GRIP1: variants seen among roughly 807,000 people sequenced by gnomAD.
The protein encoded by GRIP1 is glutamate receptor-interacting protein 1.
In GRIP1, 45 loss-of-function variants were observed where a neutral mutation model predicts 129.9. That is an observed-to-expected ratio of 0.35 (90% confidence interval 0.27 to 0.44). The LOEUF (loss-of-function observed/expected upper bound fraction) is 0.44. Among genes scored for constraint, GRIP1 ranks in the 20% least tolerant of loss-of-function variants. The pLI is 1.00. For synonymous variants in GRIP1, 530 were observed against 520.8 expected (o/e 1.02, Z -0.24); for missense variants, 1,196 against 1,396.8 (o/e 0.86, Z 2.29).
intron 1 of GRIP1, among the ~76,000 whole-genome samples, chr12:66,836,933 A>G (rs1160599461): frequency 6.6e-6 from 1 of 152,216 alleles, no homozygotes; most frequent in Non-Finnish European, 1.5e-5. Context: ...AGGTACATTC[A>G]TGTTGTTGTT....
intron 1 of GRIP1, among the ~76,000 whole-genome samples, chr12:66,944,644 G>A (rs1259011284): frequency 1.3e-5 from 2 of 152,068 alleles, no homozygotes; most frequent in African/African-American, 4.8e-5. Flanking sequence ...GTGAAAACAG[G>A]AAGGTAACAC....
At chr12:66,894,744 A>G (rs1460297287) in intron 1 of GRIP1, among the ~76,000 whole-genome samples, 1 of 152,224 alleles carries the variant, frequency 6.6e-6, no homozygotes, top group Non-Finnish European at 1.5e-5. Context: ...TGTGCTGTCA[A>G]TCAGACCCTG....
intron 1 of GRIP1, among the ~76,000 whole-genome samples, chr12:67,063,275 T>C (rs1383271068): frequency 6.6e-6 from 1 of 152,226 alleles, no homozygotes; most frequent in Non-Finnish European, 1.5e-5. Context: ...CTTTACATTG[T>C]ATTCATCACC....
intron 1 of GRIP1, among the ~76,000 whole-genome samples, chr12:66,823,099 G>A (rs2039348731): frequency 6.6e-6 from 1 of 152,164 alleles, no homozygotes; most frequent in South Asian, 2.1e-4. Flanking sequence ...CTAACTGCAT[G>A]ACCTTGTGCA....
chr12:66,755,238 T>C (rs1432867562), intron 1 of GRIP1, among the ~76,000 whole-genome samples: 1 of 152,226 alleles, frequency 6.6e-6, no homozygotes. Context: ...CCTTTAATAT[T>C]TTTTTAGAAA....
intron 1 of GRIP1, among the ~76,000 whole-genome samples, chr12:66,872,800 G>C (rs1279277534): frequency 6.6e-6 from 1 of 152,058 alleles, no homozygotes; most frequent in Non-Finnish European, 1.5e-5. Flanking sequence ...AATTTGTCCA[G>C]TTAACTATGC....
At chr12:66,789,652 C>A (rs1453604352) in intron 1 of GRIP1, among the ~76,000 whole-genome samples, 1 of 151,798 alleles carries the variant, frequency 6.6e-6, no homozygotes, top group Non-Finnish European at 1.5e-5. Context: ...ACTATTTAAA[C>A]ATGTCCTTAA....
chr12:66,376,222 T>C (rs1388611314), intron 22 of GRIP1, among the ~76,000 whole-genome samples: 1 of 152,162 alleles, frequency 6.6e-6, no homozygotes, highest in Non-Finnish European at 1.5e-5. Flanking sequence ...TTCACAAACA[T>C]TAGAATCACA....
rs975001853 is a variant in GRIP1, at chr12:66,677,340, T to C, written c.55+1510A>G. On this transcript the variant is annotated intron_variant, in intron 1 of 24. Transcript: ENST00000359742. Reference sequence around the variant, plus strand: ...TATGTAGTACTTATAAAAGAACTGATACAGATGAATAGAAAATACTGATTG... The same window carrying C: ...TATGTAGTACTTATAAAAGAACTGACACAGATGAATAGAAAATACTGATTG... Among the ~76,000 whole-genome samples, 6 of 152,184 alleles carry C rather than the reference T, an allele frequency of 3.9e-5. No homozygotes were observed. The East Asian group carries it at 1.2e-3, about 29-fold the overall frequency.
At chr12:66,451,305 A>C (rs66656315) in intron 11 of GRIP1, among the ~76,000 whole-genome samples, 34,737 of 150,404 alleles carry the variant, frequency 0.23, 4,474 homozygotes, top group Middle Eastern at 0.43. Flanking sequence ...TAGAAGGCTG[A>C]AAGATTTCCT....
intron 1 of GRIP1, among the ~76,000 whole-genome samples, chr12:66,968,463 G>A (rs571817186): frequency 1.3e-4 from 19 of 151,522 alleles, no homozygotes; most frequent in South Asian, 1.0e-3. Flanking sequence ...TCTTTCTCCC[G>A]TTTTAATTGA....
chr12:66,891,805 T>C (rs1262140035), intron 1 of GRIP1: 1 of 152,238 alleles, frequency 6.6e-6, no homozygotes, highest in Non-Finnish European at 1.5e-5. Flanking sequence ...AGGCAAATTC[T>C]TCCCCTATAA....
intron 1 of GRIP1, among the ~76,000 whole-genome samples, chr12:67,001,146 T>C (rs1321054764): frequency 7.9e-5 from 12 of 152,224 alleles, no homozygotes. Flanking sequence ...TGTCTTACTA[T>C]ACTTGTTTAT....
intron 1 of GRIP1, among the ~76,000 whole-genome samples, chr12:67,048,865 C>T (rs1025058840): frequency 6.6e-6 from 1 of 152,166 alleles, no homozygotes. Flanking sequence ...CCACCATGAT[C>T]GTGAGGCCTC....
chr12:66,444,623 T>C lies in GRIP1; in HGVS notation c.1648A>G (p.Thr550Ala). 16 of 1,614,110 alleles carry C rather than the reference T, an allele frequency of 9.9e-6. No individual in the cohort carries two copies. The highest frequency in any genetic ancestry group is 1.4e-5 in the Non-Finnish European group (16 of 1,180,006). Reference protein sequence around the residue: ...ASQLLRDSSITSKVTLEIEFD... With the variant: ...ASQLLRDSSIASKVTLEIEFD... ...TCGATTTCCAGTGTGACCTTGCTCG[T>C]GATTGAAGAGTCTCGGAGGAGCTGA... The change falls in exon 13 of 25, where the codon ACG becomes GCG. Residue 550 changes from threonine to alanine, a missense_variant. Physicochemically the swap from Thr to Ala is moderately conservative, Grantham distance 58. Transcript: ENST00000359742.
Position 67,021,287 on chromosome 12 carries a change from T to A in GRIP1, c.58+47763A>T, listed in dbSNP as rs368996655. ...TTCTCCCACCACATCCCACCTTCCATCCCTCCTTCTTCCTGTCCCCCAACA... is the reference window on the plus strand; with the variant it reads ...TTCTCCCACCACATCCCACCTTCCAACCCTCCTTCTTCCTGTCCCCCAACA... On this transcript the variant is annotated intron_variant, in intron 1 of 1. Transcript: ENST00000643019. 9.2e-5 allele frequency among the ~76,000 whole-genome samples: 14 copies of A among 152,186 alleles called. No individual in the cohort carries two copies. The East Asian group carries it at 2.1e-3, about 23-fold the overall frequency.
chr12:66,720,181 G>T (rs148077470), intron 1 of GRIP1, among the ~76,000 whole-genome samples: 5 of 152,068 alleles, frequency 3.3e-5, no homozygotes, highest in African/African-American at 1.2e-4. Context: ...AAGAATTTTG[G>T]GGTTTCCCAG....
intron 1 of GRIP1, among the ~76,000 whole-genome samples, chr12:66,741,453 G>T (rs142101156): frequency 6.6e-6 from 1 of 152,176 alleles, no homozygotes; most frequent in South Asian, 2.1e-4. Flanking sequence ...CATTCAGAAA[G>T]TTAACTTGTC....
At chr12:66,807,489 C>T (rs369858691), upstream of GRIP1, among the ~76,000 whole-genome samples, 103 of 152,130 alleles carry the variant, frequency 6.8e-4, 2 homozygotes, top group African/African-American at 2.3e-3. Flanking sequence ...CTGGCTAACA[C>T]GGTGAAACCC....
Sources: allele counts gnomAD v4.1 joint callset (sites outside exome capture counted in the v4.1 genomes callset), GRCh38; gene constraint gnomAD v4.1.1; transcripts MANE v1.5; gene names NCBI Gene and HGNC (gene_info 2026-07-23, HGNC 2026-07-21).